Variants in TRDN observed in about 807,000 individuals in gnomAD.
TRDN encodes triadin in skeletal muscle.
In TRDN, 161 loss-of-function variants were observed where a neutral mutation model predicts 149.7. The ratio of observed to expected loss-of-function variants is 1.08; its 90% CI spans 0.95 to 1.23. TRDN has a LOEUF of 1.23. Among genes scored for constraint, TRDN ranks in the 50% most tolerant of loss-of-function variants. TRDN has a pLI of 0.00. For synonymous variants in TRDN, 294 were observed against 250.5 expected (o/e 1.17, Z -1.64); for missense variants, 896 against 823.5 (o/e 1.09, Z -1.08).
chr6:123,348,020 A>G (rs1176289948), intron 21 of TRDN, among the ~76,000 whole-genome samples: 9 of 152,102 alleles, frequency 5.9e-5, no homozygotes, highest in Non-Finnish European at 1.0e-4. Flanking sequence ...ATGGAATGCA[A>G]TGTAAAGTCT....
At position 123,438,324 on chromosome 6, in the gene TRDN, A is replaced by ATTT. The variant is rs146284588; in HGVS notation, c.992-203_992-202insAAA. On this transcript the variant is annotated intron_variant, in intron 11 of 40. Transcript: ENST00000334268. ...GTATAATTTCTCTTCAGGAAACAGAACTTTTTTTTTTTTGCCAAAGGCAAA... is the reference window on the plus strand; with the variant it reads ...GTATAATTTCTCTTCAGGAAACAGAATTTCTTTTTTTTTTTTGCCAAAGGCAAA... Among the ~76,000 whole-genome samples the ATTT allele has an allele frequency of 0.13, 19,596 of 151,226 alleles. 1,608 individuals carry two copies. Among genetic ancestry groups the ATTT allele is most frequent in the African/African-American group, 0.24 (10,024 of 41,090 alleles).
chr6:123,598,727 T>A (rs563883969), intron 1 of TRDN, among the ~76,000 whole-genome samples: 2 of 152,230 alleles, frequency 1.3e-5, no homozygotes, highest in South Asian at 2.1e-4. Flanking sequence ...AAGAGTGATA[T>A]AGACCATACA....
intron 10 of TRDN, among the ~76,000 whole-genome samples, chr6:123,444,251 G>T (rs1775142268): frequency 7.4e-6 from 1 of 135,270 alleles, no homozygotes. Context: ...TTGTAAGTTG[G>T]ATTCCTAGGT....
chr6:123,477,546 C>T (rs1777548329), intron 9 of TRDN, among the ~76,000 whole-genome samples: 1 of 148,350 alleles, frequency 6.7e-6, no homozygotes, highest in South Asian at 2.2e-4. Flanking sequence ...TTGACCCAGC[C>T]ATCCCATTAC....
At chr6:123,585,208 G>A (rs201088237) in intron 1 of TRDN, among the ~76,000 whole-genome samples, 29,503 of 146,666 alleles carry the variant, frequency 0.2, 3,811 homozygotes, top group East Asian at 0.47. Flanking sequence ...GCAATGAGAT[G>A]TAGCTGTAAT....
chr6:123,383,520 T>C (rs190511575), intron 14 of TRDN, among the ~76,000 whole-genome samples: 5 of 152,204 alleles, frequency 3.3e-5, no homozygotes, highest in African/African-American at 1.2e-4. Context: ...AATGGGCATA[T>C]TAAACACTAC....
At chr6:123,576,172 T>C (rs1782847003) in intron 1 of TRDN, among the ~76,000 whole-genome samples, 1 of 152,128 alleles carries the variant, frequency 6.6e-6, no homozygotes. Context: ...GCTATATTGT[T>C]TGTGTTCCAA....
At chr6:123,400,300 G>A (rs1247901827) in intron 12 of TRDN, among the ~76,000 whole-genome samples, 2 of 151,290 alleles carry the variant, frequency 1.3e-5, no homozygotes, top group African/African-American at 2.4e-5. Context: ...TAGTTGACAG[G>A]GCCTCTAATT....
intron 2 of TRDN, among the ~76,000 whole-genome samples, chr6:123,563,712 TA>T (rs1276666249): frequency 6.6e-6 from 1 of 152,250 alleles, no homozygotes; most frequent in Non-Finnish European, 1.5e-5. Context: ...GAAGAGATAA[TA>T]CAGCAATTAA....
At chr6:123,573,114 G>A (rs1782663293) in intron 1 of TRDN, among the ~76,000 whole-genome samples, 1 of 152,024 alleles carries the variant, frequency 6.6e-6, no homozygotes, top group African/African-American at 2.4e-5. Flanking sequence ...AAGCAAAAAA[G>A]TTATGCTTTG....
chr6:123,343,157 T>G (rs1260663572), intron 21 of TRDN, among the ~76,000 whole-genome samples: 1 of 152,050 alleles, frequency 6.6e-6, no homozygotes, highest in Non-Finnish European at 1.5e-5. Context: ...AAATCCAATG[T>G]TTACCTCACA....
intron 10 of TRDN, among the ~76,000 whole-genome samples, chr6:123,459,467 T>G (rs1375292598): frequency 1.3e-5 from 2 of 152,210 alleles, no homozygotes. Context: ...ATGTTCTGAT[T>G]GGACATCTCT....
chr6:123,420,643 A>G (rs1773858120), intron 12 of TRDN, among the ~76,000 whole-genome samples: 1 of 152,182 alleles, frequency 6.6e-6, no homozygotes, highest in Admixed American at 6.5e-5. Flanking sequence ...TCCTTTTTGA[A>G]GGATATAAAA....
At chr6:123,488,746 C>A (rs1778081627) in intron 9 of TRDN, 1 of 143,980 alleles carries the variant, frequency 6.9e-6, no homozygotes, top group African/African-American at 2.6e-5. Flanking sequence ...TGAGTACTAA[C>A]CAAAGTGACC....
chr6:123,456,976 G>A (rs979396204), intron 10 of TRDN: 9 of 363,242 alleles, frequency 2.5e-5, no homozygotes, highest in African/African-American at 1.9e-4. Context: ...TTGTAAGCAA[G>A]AGCATTGGAG....
At chr6:123,452,565 A>G (rs1351132168) in intron 10 of TRDN, among the ~76,000 whole-genome samples, 2 of 152,134 alleles carry the variant, frequency 1.3e-5, no homozygotes, top group Non-Finnish European at 2.9e-5. Flanking sequence ...GACCTCTACA[A>G]GGAAAACTAC....
chr6:123,616,189 A>G (rs1386836238), intron 1 of TRDN, among the ~76,000 whole-genome samples: 1 of 152,092 alleles, frequency 6.6e-6, no homozygotes, highest in African/African-American at 2.4e-5. Context: ...TGTCTCTACA[A>G]AAAAAATTAG....
At chr6:123,559,211 C>G (rs1005303435) in intron 2 of TRDN, among the ~76,000 whole-genome samples, 1 of 152,192 alleles carries the variant, frequency 6.6e-6, no homozygotes, top group Non-Finnish European at 1.5e-5. Flanking sequence ...AAAATGAAAG[C>G]CACCCACTCC....
intron 38 of TRDN, among the ~76,000 whole-genome samples, chr6:123,235,857 C>T (rs1433186551): frequency 1.3e-5 from 2 of 152,144 alleles, no homozygotes; most frequent in Non-Finnish European, 2.9e-5. Flanking sequence ...ATTCATATAA[C>T]TGCTGCACAT....
Sources: allele counts gnomAD v4.1 joint callset (sites outside exome capture counted in the v4.1 genomes callset), GRCh38; gene constraint gnomAD v4.1.1; transcripts MANE v1.5; gene names NCBI Gene and HGNC (gene_info 2026-07-23, HGNC 2026-07-21).